Variants in CERT1 observed in about 807,000 individuals in gnomAD.
The protein encoded by CERT1 is ceramide transporter 1, also known as ceramide transfer protein.
Under a neutral mutation model 87.9 loss-of-function variants are expected in CERT1, and 31 were observed. The observed-to-expected ratio is 0.35, with a 90% CI of 0.27 to 0.48. The LOEUF is 0.48. CERT1 is among the 20% of genes least tolerant of loss of function. The pLI, the probability that CERT1 is intolerant of heterozygous loss-of-function variation, is 0.99. For missense variants in CERT1, 487 were observed against 758.0 expected (o/e 0.64, Z 4.20); for synonymous variants, 289 against 250.9 (o/e 1.15, Z -1.44).
intron 3 of CERT1, among the ~76,000 whole-genome samples, chr5:75,456,055 T>G (rs1764969305): frequency 6.6e-6 from 1 of 152,154 alleles, no homozygotes; most frequent in African/African-American, 2.4e-5. Context: ...AATGCATACT[T>G]AAATAGTAAA....
At chr5:75,395,579 A>AG (rs1762214657) in intron 11 of CERT1, among the ~76,000 whole-genome samples, 1 of 150,300 alleles carries the variant, frequency 6.7e-6, no homozygotes, top group Non-Finnish European at 1.5e-5. Flanking sequence ...AAAAAAAAAA[A>AG]TGCTGGGCAT....
intron 2 of CERT1, among the ~76,000 whole-genome samples, chr5:75,468,672 G>A (rs560715590): frequency 3.0e-4 from 45 of 152,248 alleles, no homozygotes; most frequent in African/African-American, 9.9e-4. Flanking sequence ...TGTGCCAGCC[G>A]TGGTAACAAC....
intron 3 of CERT1, among the ~76,000 whole-genome samples, chr5:75,454,245 A>G (rs1257822696): frequency 6.6e-6 from 1 of 152,184 alleles, no homozygotes; most frequent in Non-Finnish European, 1.5e-5. Flanking sequence ...CCTCCTTTCA[A>G]TAACTTACCA....
At chr5:75,375,623 AAAT>A (rs1169774324), downstream of CERT1, 15 of 141,098 alleles carry the variant, frequency 1.1e-4, no homozygotes, top group Middle Eastern at 3.7e-3. Flanking sequence ...ATAAATAAAT[AAAT>A]AAATAAAATA....
At chr5:75,429,980 C>T (rs1413097181) in intron 3 of CERT1, among the ~76,000 whole-genome samples, 1 of 151,858 alleles carries the variant, frequency 6.6e-6, no homozygotes, top group South Asian at 2.1e-4. Context: ...GGAAACTTGT[C>T]CCCACCCCCA....
intron 13 of CERT1, among the ~76,000 whole-genome samples, chr5:75,385,302 G>A (rs564463661): frequency 2.0e-5 from 3 of 152,080 alleles, no homozygotes; most frequent in East Asian, 3.9e-4. Flanking sequence ...GCAAAACCCC[G>A]TCTCTACTAA....
chr5:75,382,216 G>T, intron 14 of CERT1, 139 bp from the exon 15 acceptor site: 1 of 698,032 alleles, frequency 1.4e-6, no homozygotes, highest in South Asian at 2.1e-5. Flanking sequence ...TCTACCAAAT[G>T]ATTAATTATG....
At chr5:75,458,974 A>C in intron 3 of CERT1, 91 bp downstream of exon 3, 1 of 685,148 alleles carries the variant, frequency 1.5e-6, no homozygotes. Flanking sequence ...ATGTTTCAGT[A>C]ACTAATGTCA....
intron 3 of CERT1, among the ~76,000 whole-genome samples, chr5:75,435,059 G>A (rs1383237211): frequency 6.6e-6 from 1 of 152,098 alleles, no homozygotes; most frequent in Non-Finnish European, 1.5e-5. Context: ...TCATGGTGAT[G>A]TTAGGTTGTA....
intron 2 of CERT1, among the ~76,000 whole-genome samples, chr5:75,484,966 G>C (rs1229132632): frequency 6.6e-6 from 1 of 152,010 alleles, no homozygotes; most frequent in South Asian, 2.1e-4. Flanking sequence ...CATATGTTAG[G>C]CCACAAAATA....
At chr5:75,462,534 G>A (rs572743574) in intron 2 of CERT1, among the ~76,000 whole-genome samples, 1 of 152,272 alleles carries the variant, frequency 6.6e-6, no homozygotes, top group African/African-American at 2.4e-5. Flanking sequence ...TTCCTAACAG[G>A]CCATGGACTG....
chr5:75,472,188 T>C (rs957347580), intron 2 of CERT1, among the ~76,000 whole-genome samples: 1 of 152,234 alleles, frequency 6.6e-6, no homozygotes, highest in Non-Finnish European at 1.5e-5. Context: ...GGACAGTCTC[T>C]TTAACAAATA....
At chr5:75,402,052 A>C (rs1416722524) in intron 9 of CERT1, 6 of 152,214 alleles carry the variant, frequency 3.9e-5, no homozygotes, top group Non-Finnish European at 4.4e-5. Flanking sequence ...AAATTAAAGA[A>C]GACAAAGTAT....
chr5:75,433,648 G>T (rs1763962733), intron 3 of CERT1, among the ~76,000 whole-genome samples: 1 of 152,132 alleles, frequency 6.6e-6, no homozygotes, highest in South Asian at 2.1e-4. Flanking sequence ...AGCCTCCAAA[G>T]TAGCTGGGAC....
intron 2 of CERT1, among the ~76,000 whole-genome samples, chr5:75,465,469 AAACAAGATGAATC>A (rs1765420062): frequency 6.6e-6 from 1 of 152,264 alleles, no homozygotes; most frequent in Non-Finnish European, 1.5e-5. Context: ...TATTAGGTAC[AAACAAGATGAATC>A]AATCAGTGCT....
At chr5:75,509,215 A>G (rs143920204) in intron 1 of CERT1, among the ~76,000 whole-genome samples, 2 of 152,316 alleles carry the variant, frequency 1.3e-5, no homozygotes, top group East Asian at 3.9e-4. Context: ...ACATTACTCA[A>G]TGGAAGGAAA....
At position 75,378,662 on chromosome 5, in the gene CERT1, G is replaced by T. The variant is rs1446877361; in HGVS notation, c.*684C>A. ...AAAAAGGTTATAAAACAAGAATTTT[G>T]TATAATAGTAAGTATAAACATTTTA... On this transcript the variant is annotated 3_prime_UTR_variant, in exon 17 of 17. Coordinates refer to ENST00000643780, the MANE Select transcript of CERT1 (RefSeq NM_001379029.1). 1 of 152,148 alleles carries T rather than the reference G, an allele frequency of 6.6e-6. No individual in the cohort carries two copies. Among genetic ancestry groups the T allele is most frequent in the Non-Finnish European group, 1.5e-5 (1 of 68,036 alleles). 9.4% of individuals were successfully genotyped at this position (152,148 alleles called of 1,614,324 possible).
chr5:75,465,314 A>G (rs113385990), intron 2 of CERT1, among the ~76,000 whole-genome samples: 18 of 152,344 alleles, frequency 1.2e-4, no homozygotes, highest in African/African-American at 4.3e-4. Flanking sequence ...TGACAGTAGG[A>G]TATCTGATAA....
At chr5:75,472,750 G>A (rs534513646) in intron 2 of CERT1, among the ~76,000 whole-genome samples, 1 of 152,094 alleles carries the variant, frequency 6.6e-6, no homozygotes, top group African/African-American at 2.4e-5. Context: ...TTAGCAAAAA[G>A]ACAAAATAGA....
Sources: gnomAD v4.1 joint callset for allele counts (sites outside exome capture counted in the v4.1 genomes callset) on GRCh38, gnomAD v4.1.1 for gene constraint, MANE v1.5 for transcripts, NCBI Gene and HGNC (gene_info 2026-07-23, HGNC 2026-07-21) for gene names.